The following TTC28 variants were observed in gnomAD, a reference collection of about 807,000 sequenced individuals.
The protein encoded by TTC28 is tetratricopeptide repeat domain 28, also known as tetratricopeptide repeat protein 28.
A neutral mutation model predicts 198.0 loss-of-function variants in TTC28; 61 were observed. The observed-to-expected ratio is 0.31, with a 90% confidence interval of 0.25 to 0.38. The LOEUF is 0.38. Among genes scored for constraint, TTC28 ranks in the 10% least tolerant of loss-of-function variants. TTC28 has a pLI of 1.00. For missense variants in TTC28, 2,678 were observed against 3,164.0 expected, an observed-to-expected ratio of 0.85 and a Z score of 3.69; for synonymous variants, 1,171 against 1,297.8, an observed-to-expected ratio of 0.90 and a Z score of 2.10.
At chr22:28,447,010 G>A (rs1021294335) in intron 2 of TTC28, among the ~76,000 whole-genome samples, 5 of 152,126 alleles carry the variant, frequency 3.3e-5, no homozygotes, top group Non-Finnish European at 5.9e-5. Flanking sequence ...CAAAACTGAA[G>A]TTCAGAGTAC....
chr22:28,056,188 T>TGCA (rs1940281047), intron 12 of TTC28: 1 of 152,090 alleles, frequency 6.6e-6, no homozygotes, highest in Non-Finnish European at 1.5e-5. Flanking sequence ...ATGGCTGGAG[T>TGCA]GCAGTGGCTA....
intron 2 of TTC28, among the ~76,000 whole-genome samples, chr22:28,381,709 T>C (rs894690599): frequency 4.6e-5 from 7 of 152,120 alleles, no homozygotes; most frequent in African/African-American, 9.7e-5. Context: ...TTATTGGAAA[T>C]TGGACCAACT....
chr22:28,619,732 T>C (rs2050961642), intron 2 of TTC28, among the ~76,000 whole-genome samples: 1 of 152,156 alleles, frequency 6.6e-6, no homozygotes, highest in East Asian at 1.9e-4. Flanking sequence ...TTTGAGGCAC[T>C]ACGAAGAATA....
At chr22:28,442,500 G>A (rs763006529) in intron 2 of TTC28, among the ~76,000 whole-genome samples, 2 of 152,216 alleles carry the variant, frequency 1.3e-5, no homozygotes, top group African/African-American at 2.4e-5. Flanking sequence ...CACCACCTGC[G>A]GGGCCTGTGT....
chr22:28,495,616 A>T (rs1359288095), intron 2 of TTC28, among the ~76,000 whole-genome samples: 1 of 152,200 alleles, frequency 6.6e-6, no homozygotes, highest in Non-Finnish European at 1.5e-5. Context: ...GGATACAAAA[A>T]ATAGTGAATT....
intron 2 of TTC28, among the ~76,000 whole-genome samples, chr22:28,416,206 C>T (rs541921539): frequency 6.6e-6 from 1 of 152,196 alleles, no homozygotes; most frequent in Non-Finnish European, 1.5e-5. Context: ...ATGCTCCCAC[C>T]TCTGGTTCCA....
chr22:27,988,736 A>G (rs1451246602), intron 21 of TTC28, among the ~76,000 whole-genome samples: 2 of 151,950 alleles, frequency 1.3e-5, no homozygotes, highest in Non-Finnish European at 2.9e-5. Context: ...CAGCCCACAG[A>G]TCTGCCCTGC....
intron 2 of TTC28, among the ~76,000 whole-genome samples, chr22:28,361,294 A>C (rs2046155286): frequency 1.3e-5 from 2 of 152,232 alleles, no homozygotes; most frequent in South Asian, 4.1e-4. Context: ...GCAAAGGAAG[A>C]GTTCTCAAAG....
At chr22:27,992,180 C>T (rs1937438261) in intron 19 of TTC28, among the ~76,000 whole-genome samples, 1 of 152,080 alleles carries the variant, frequency 6.6e-6, no homozygotes, top group Non-Finnish European at 1.5e-5. Context: ...CTCTGAAGGC[C>T]CTGGATGCTC....
chr22:28,660,831 G>C (rs993900905), intron 1 of TTC28, among the ~76,000 whole-genome samples: 1 of 149,100 alleles, frequency 6.7e-6, no homozygotes, highest in Non-Finnish European at 1.5e-5. Flanking sequence ...GCCAATTTTT[G>C]TATTTTTAGT....
intron 2 of TTC28, among the ~76,000 whole-genome samples, chr22:28,591,074 TATATATATATAG>T (rs2050427332): frequency 2.5e-5 from 3 of 121,240 alleles, no homozygotes; most frequent in African/African-American, 6.5e-5. Flanking sequence ...TATATATATA[TATATATATATAG>T]GAATTGTGAC....
Position 28,193,255 on chromosome 22 carries a change from C to T in TTC28, c.934-29656G>A, listed in dbSNP as rs143590027. On this transcript the variant is annotated intron_variant, in intron 5 of 22. Coordinates refer to ENST00000397906, the MANE Select transcript of TTC28 (RefSeq NM_001145418.2). ...GAATGCTGAGAGATTTTGTCACCAGCAGGCCTGCCTTACAAGAGCTCCTGA... is the reference window on the plus strand; with the variant it reads ...GAATGCTGAGAGATTTTGTCACCAGTAGGCCTGCCTTACAAGAGCTCCTGA... Among the ~76,000 whole-genome samples the T allele has an allele frequency of 1.9e-3, 284 of 152,310 alleles. 2 individuals carry two copies. The highest frequency in any genetic ancestry group is 0.014 in the Middle Eastern group (4 of 294).
At chr22:28,461,733 T>C (rs967134269) in intron 2 of TTC28, among the ~76,000 whole-genome samples, 2 of 152,170 alleles carry the variant, frequency 1.3e-5, no homozygotes, top group African/African-American at 4.8e-5. Context: ...TAGGCCTTCC[T>C]AAGTTTTTTG....
chr22:28,540,014 G>A (rs957391164), intron 2 of TTC28, among the ~76,000 whole-genome samples: 1 of 145,964 alleles, frequency 6.9e-6, no homozygotes, highest in African/African-American at 2.5e-5. Context: ...GCACGATCTC[G>A]GCTCACTGCA....
intron 2 of TTC28, among the ~76,000 whole-genome samples, chr22:28,479,878 T>C (rs1050880213): frequency 5.9e-5 from 9 of 152,220 alleles, no homozygotes; most frequent in African/African-American, 1.9e-4. Flanking sequence ...TATCTGCTCA[T>C]TCTTCCCTTC....
Position 27,998,624 on chromosome 22 carries a change from C to A in TTC28, c.5035G>T (p.Gly1679Cys), listed in dbSNP as rs758676588. 1 of 1,550,732 alleles carries A rather than the reference C, an allele frequency of 6.4e-7. No individual in the cohort carries two copies. The highest frequency in any genetic ancestry group is 1.4e-5 in the African/African-American group (1 of 73,062). The stretch of plus-strand genomic sequence containing the variant: ...CCCAGGGCGGCGCTGGCTTTCAGGC[C>A]GTTCAGCAGGGATGAGTAGAAGGCA... ...IHAFYSSLLN[G>C]LKASAALGEA... is the part of the protein sequence containing the mutation. The change falls in exon 16 of 23, where the codon GGC (glycine) becomes TGC (cysteine). Residue 1679 changes from glycine (G) to cysteine (C), a missense_variant. Physicochemically the swap from Gly to Cys is radical, Grantham distance 159 (BLOSUM62 -3). This residue lies in a region of TTC28 where 314 missense variants were observed against 442.7 expected (regional missense o/e 0.71). Transcript: ENST00000397906.
chr22:28,170,343 G>C (rs1269235273), intron 5 of TTC28, among the ~76,000 whole-genome samples: 1 of 151,726 alleles, frequency 6.6e-6, no homozygotes, highest in African/African-American at 2.4e-5. Flanking sequence ...AAAAAAATTA[G>C]CTGGGCGTGG....
intron 2 of TTC28, among the ~76,000 whole-genome samples, chr22:28,530,713 G>C (rs190020494): frequency 6.6e-6 from 1 of 152,130 alleles, no homozygotes; most frequent in Non-Finnish European, 1.5e-5. Flanking sequence ...CAGATGTCTC[G>C]GCAGAAACTC....
chr22:28,114,755 T>C (rs2146922909), intron 6 of TTC28, among the ~76,000 whole-genome samples: 1 of 152,074 alleles, frequency 6.6e-6, no homozygotes, highest in Admixed American at 6.5e-5. Flanking sequence ...AATGTTTAAT[T>C]AATTAATTTT....
Sources: allele counts gnomAD v4.1 joint callset (sites outside exome capture counted in the v4.1 genomes callset), GRCh38; gene constraint gnomAD v4.1.1; regional missense constraint gnomAD v4.1.1; transcripts MANE v1.5; gene names NCBI Gene and HGNC (gene_info 2026-07-23, HGNC 2026-07-21).